Variants in WWTR1 observed in about 807,000 individuals in gnomAD.
The protein encoded by WWTR1 is WW domain containing transcription regulator 1.
A neutral mutation model predicts 40.1 loss-of-function variants in WWTR1; 13 were observed. The observed-to-expected ratio is 0.32, with a 90% CI of 0.21 to 0.52. The LOEUF (loss-of-function observed/expected upper bound fraction) is 0.52, where lower values mean the gene tolerates loss of function less well. Ranked by LOEUF, WWTR1 falls within the 20% of genes least tolerant of loss-of-function variation. The pLI, the probability that WWTR1 is intolerant of heterozygous loss-of-function variation, is 0.97. For synonymous variants in WWTR1, 230 were observed against 210.1 expected (o/e 1.09, Z -0.82); for missense variants, 436 against 523.1 (o/e 0.83, Z 1.63).
chr3:149,703,855 A>G (rs2108226029), upstream of WWTR1, among the ~76,000 whole-genome samples: 1 of 152,324 alleles, frequency 6.6e-6, no homozygotes, highest in Middle Eastern at 3.4e-3. Flanking sequence ...AAGCTTCCTG[A>G]GTCCCCATCA....
intron 4 of WWTR1, among the ~76,000 whole-genome samples, chr3:149,534,948 CCTT>C (rs778795793): frequency 6.6e-6 from 1 of 152,212 alleles, no homozygotes; most frequent in African/African-American, 2.4e-5. Flanking sequence ...AACCTCCTCT[CCTT>C]CTAGGTCCTT....
intron 1 of WWTR1, among the ~76,000 whole-genome samples, chr3:149,694,194 C>T (rs1312206438): frequency 4.6e-5 from 7 of 152,146 alleles, no homozygotes; most frequent in South Asian, 2.1e-4. Flanking sequence ...GGGTTCGAGA[C>T]CAGCCTGACC....
intron 1 of WWTR1, among the ~76,000 whole-genome samples, chr3:149,675,634 G>T (rs1484378765): frequency 2.0e-5 from 3 of 152,234 alleles, no homozygotes; most frequent in African/African-American, 7.2e-5. Flanking sequence ...AGTGTGAGGA[G>T]CAGTGGTGTT....
chr3:149,670,724 A>G (rs1247514245), intron 1 of WWTR1: 1 of 152,076 alleles, frequency 6.6e-6, no homozygotes, highest in African/African-American at 2.4e-5. Context: ...ATGAGTAGAC[A>G]GAAACAGATA....
At chr3:149,612,817 C>T (rs1739796714) in intron 2 of WWTR1, among the ~76,000 whole-genome samples, 1 of 152,150 alleles carries the variant, frequency 6.6e-6, no homozygotes, top group Admixed American at 6.5e-5. Flanking sequence ...AACATCGTCT[C>T]CTCTTAACTC....
At chr3:149,539,421 G>T (rs1424356307) in intron 4 of WWTR1, among the ~76,000 whole-genome samples, 1 of 152,094 alleles carries the variant, frequency 6.6e-6, no homozygotes, top group Non-Finnish European at 1.5e-5. Flanking sequence ...TCCCAGACAG[G>T]CTCAGTTGGT....
upstream of WWTR1, among the ~76,000 whole-genome samples, chr3:149,708,110 A>G (rs1281581440): frequency 6.6e-6 from 1 of 152,096 alleles, no homozygotes; most frequent in Admixed American, 6.6e-5. Flanking sequence ...TACTTGGTGC[A>G]CTATAGAACA....
At chr3:149,657,464 G>A (rs1713318449) in intron 1 of WWTR1, 155 bp from the exon 2 acceptor site, 1 of 885,332 alleles carries the variant, frequency 1.1e-6, no homozygotes, top group Non-Finnish European at 1.7e-6. Flanking sequence ...CAGACACTCA[G>A]CGGTAAGACC....
At position 149,518,036 on chromosome 3, in the gene WWTR1, T is replaced by C. The variant is rs983612544; in HGVS notation, c.*2769A>G. On this transcript the variant is annotated 3_prime_UTR_variant, in exon 7 of 7. Coordinates refer to ENST00000360632, the MANE Select transcript of WWTR1 (RefSeq NM_015472.6). ...AAGAATTCTGCAGGGGTTTTAACAC[T>C]TACAATAATAGGAAATAGCCATTAA... The C allele has an allele frequency of 2.6e-5, 4 of 152,114 alleles. No individual in the cohort carries two copies. The highest frequency in any genetic ancestry group is 9.7e-5 in the African/African-American group (4 of 41,434). 9.4% of individuals were successfully genotyped at this position (152,114 alleles called of 1,614,324 possible).
At chr3:149,528,041 C>G (rs1295902763) in intron 4 of WWTR1, 72 bp from the exon 5 acceptor site, 1 of 1,533,610 alleles carries the variant, frequency 6.5e-7, no homozygotes, top group Non-Finnish European at 8.8e-7. Context: ...TACTTCACAT[C>G]AAAACTTTTC....
intron 2 of WWTR1, among the ~76,000 whole-genome samples, chr3:149,585,557 A>ATT (rs11309780): frequency 2.0e-5 from 3 of 148,466 alleles, no homozygotes; most frequent in Non-Finnish European, 4.5e-5. Context: ...GCACCCCACA[A>ATT]TTTTTTTTTT....
At chr3:149,584,378 AGCCACCCTGGCTCTG>A in intron 2 of WWTR1, among the ~76,000 whole-genome samples, 1 of 152,302 alleles carries the variant, frequency 6.6e-6, no homozygotes, top group East Asian at 1.9e-4. Context: ...GAAGAGGATG[AGCCACCCTGGCTCTG>A]GCCATCAGAG....
At chr3:149,610,933 A>G (rs981191449) in intron 2 of WWTR1, among the ~76,000 whole-genome samples, 8 of 152,028 alleles carry the variant, frequency 5.3e-5, no homozygotes, top group Non-Finnish European at 8.8e-5. Flanking sequence ...GCTTGAAGTC[A>G]GGAGTTTGAG....
chr3:149,528,589 C>T (rs867989111), intron 4 of WWTR1, among the ~76,000 whole-genome samples: 2 of 152,096 alleles, frequency 1.3e-5, no homozygotes, highest in Non-Finnish European at 2.9e-5. Context: ...CCCACAAGTT[C>T]GAGACCAGCC....
At chr3:149,564,666 A>G (rs1737230649) in intron 3 of WWTR1, among the ~76,000 whole-genome samples, 1 of 152,190 alleles carries the variant, frequency 6.6e-6, no homozygotes, top group East Asian at 1.9e-4. Flanking sequence ...ATGATGCCTA[A>G]TGAGCTTTGC....
At chr3:149,534,571 A>T (rs1735737331) in intron 4 of WWTR1, among the ~76,000 whole-genome samples, 1 of 152,228 alleles carries the variant, frequency 6.6e-6, no homozygotes, top group African/African-American at 2.4e-5. Flanking sequence ...TTTTCAACGT[A>T]TATGAGTGGA....
intron 4 of WWTR1, among the ~76,000 whole-genome samples, chr3:149,530,696 G>A (rs1347755806): frequency 6.6e-6 from 1 of 151,834 alleles, no homozygotes; most frequent in African/African-American, 2.4e-5. Flanking sequence ...TACTATATTG[G>A]AGGAAATGTT....
intron 1 of WWTR1, among the ~76,000 whole-genome samples, chr3:149,697,810 T>G (rs2108219970): frequency 6.6e-6 from 1 of 152,344 alleles, no homozygotes; most frequent in South Asian, 2.1e-4. Flanking sequence ...AACAAGTTAT[T>G]GAATTCAAAG....
At chr3:149,556,103 C>T (rs1272785126) in intron 3 of WWTR1, among the ~76,000 whole-genome samples, 3 of 152,208 alleles carry the variant, frequency 2.0e-5, no homozygotes, top group Non-Finnish European at 4.4e-5. Context: ...GGACCAGGTC[C>T]CTTGAGGCCT....
Sources: allele counts gnomAD v4.1 joint callset (sites outside exome capture counted in the v4.1 genomes callset), GRCh38; gene constraint gnomAD v4.1.1; transcripts MANE v1.5; gene names NCBI Gene and HGNC (gene_info 2026-07-23, HGNC 2026-07-21).